Variants in TIAM1 observed in about 807,000 individuals in gnomAD.
TIAM1 encodes the protein TIAM Rac1 associated GEF 1.
Under a neutral mutation model 163.5 loss-of-function variants are expected in TIAM1, and 65 were observed. The observed-to-expected ratio is 0.40, with a 90% CI of 0.33 to 0.49. The LOEUF (loss-of-function observed/expected upper bound fraction) is 0.49. Among genes scored for constraint, TIAM1 ranks in the 20% least tolerant of loss-of-function variants. TIAM1 has a pLI of 0.77. For missense variants in TIAM1, 1,789 were observed against 2,044.7 expected, an observed-to-expected ratio of 0.87 and a Z score of 2.41; for synonymous variants, 833 against 810.1, an observed-to-expected ratio of 1.03 and a Z score of -0.48.
rs6517045 is a variant in TIAM1, at chr21:31,540,476, C to A, written c.-422+18451G>T. Reference sequence around the variant, plus strand: ...TCAAGTGGCCGGAAGAGGTGGCTCACGCCTATAATCCCGGCACTTTGGGAA... The same window carrying A: ...TCAAGTGGCCGGAAGAGGTGGCTCAAGCCTATAATCCCGGCACTTTGGGAA... On this transcript the variant is annotated intron_variant, in intron 1 of 28. Coordinates refer to the TIAM1 transcript ENST00000286827. 7.9e-5 allele frequency among the ~76,000 whole-genome samples: 12 copies of A among 152,106 alleles called. No individual in the cohort carries two copies. The South Asian group carries it at 2.3e-3, about 29-fold the overall frequency.
chr21:31,471,817 T>C (rs2045749927), intron 1 of TIAM1, among the ~76,000 whole-genome samples: 1 of 151,714 alleles, frequency 6.6e-6, no homozygotes, highest in South Asian at 2.1e-4. Flanking sequence ...TGCAGTAAGC[T>C]GAGATTGCGC....
intron 2 of TIAM1, among the ~76,000 whole-genome samples, chr21:31,414,287 C>T (rs185134265): frequency 5.2e-4 from 79 of 152,216 alleles, no homozygotes; most frequent in African/African-American, 1.8e-3. Flanking sequence ...GTCAAGTGTC[C>T]GTAAGAAAAG....
intron 2 of TIAM1, among the ~76,000 whole-genome samples, chr21:31,295,489 A>AAAAAAG (rs2074221736): frequency 1.5e-4 from 23 of 148,592 alleles, no homozygotes; most frequent in African/African-American, 5.2e-4. Flanking sequence ...AAAAAAAAAA[A>AAAAAAG]GGTCTTAAAG....
rs1458344023 is a variant in TIAM1 at position 31,141,309 on chromosome 21, C to T, written c.3655+16G>A. ...TGGAGACTCAGGCCTGCCGGGGGTC[C>T]CAGGCCGAGGCCTACCGTCCAGGTG... On this transcript the variant is annotated intron_variant, in intron 21 of 27. Transcript: ENST00000541036. The surrounding 1 kb of genome is among the most constrained non-coding windows in gnomAD (Gnocchi z 4.7). 3 of 1,613,598 alleles carry T rather than the reference C, an allele frequency of 1.9e-6. No individual in the cohort carries two copies. The highest frequency in any genetic ancestry group is 2.5e-6 in the Non-Finnish European group (3 of 1,179,730).
intron 10 of TIAM1, 40 bp from the exon 11 acceptor site, chr21:31,210,255 A>C: frequency 6.3e-7 from 1 of 1,599,928 alleles, no homozygotes; most frequent in Non-Finnish European, 8.5e-7. Context: ...GCAGCAGTGG[A>C]GCTCTGACAA....
At chr21:31,253,577 T>C (rs2071936285) in intron 4 of TIAM1, among the ~76,000 whole-genome samples, 2 of 152,154 alleles carry the variant, frequency 1.3e-5, no homozygotes, top group South Asian at 2.1e-4. Flanking sequence ...AAAAGAGATG[T>C]ATAGCAAGAC....
intron 19 of TIAM1, among the ~76,000 whole-genome samples, chr21:31,151,674 G>A (rs141457710): frequency 1.2e-3 from 179 of 152,238 alleles, no homozygotes; most frequent in Non-Finnish European, 2.2e-3. Context: ...GGGTGTGTGT[G>A]TGTGAATTCA....
intron 2 of TIAM1, chr21:31,452,478 A>G: frequency 1.9e-6 from 1 of 537,196 alleles, no homozygotes; most frequent in Non-Finnish European, 3.4e-6. Context: ...GGCTATGACT[A>G]GTGTCAAATT....
At chr21:31,186,718 C>G (rs1416867278) in intron 14 of TIAM1, among the ~76,000 whole-genome samples, 1 of 151,978 alleles carries the variant, frequency 6.6e-6, no homozygotes, top group Admixed American at 6.6e-5. Context: ...GATTTCGATG[C>G]TACAGTGACC....
At chr21:31,254,464 C>A (rs563135129) in intron 4 of TIAM1, among the ~76,000 whole-genome samples, 1 of 152,264 alleles carries the variant, frequency 6.6e-6, no homozygotes, top group Admixed American at 6.5e-5. Context: ...GAGGCTGAAG[C>A]GGGTGGATCA....
chr21:31,480,646 C>A (rs2046080728), intron 1 of TIAM1, among the ~76,000 whole-genome samples: 1 of 152,214 alleles, frequency 6.6e-6, no homozygotes, highest in East Asian at 1.9e-4. Flanking sequence ...CCTTCTATCA[C>A]CTTTGGAAGG....
intron 25 of TIAM1, among the ~76,000 whole-genome samples, chr21:31,128,970 G>GGA (rs10632797): frequency 0.65 from 98,368 of 151,898 alleles, 32,954 homozygotes; most frequent in African/African-American, 0.82. Flanking sequence ...GTGGAAACAA[G>GGA]GAGGCTAAAA....
intron 2 of TIAM1, among the ~76,000 whole-genome samples, chr21:31,367,768 G>A (rs548570664): frequency 8.5e-5 from 13 of 152,114 alleles, no homozygotes; most frequent in East Asian, 5.8e-4. Context: ...ATTCCTATTC[G>A]TTACCTATTT....
At chr21:31,329,170 G>A (rs191018425) in intron 2 of TIAM1, among the ~76,000 whole-genome samples, 1 of 152,176 alleles carries the variant, frequency 6.6e-6, no homozygotes, top group African/African-American at 2.4e-5. Flanking sequence ...CCACAAATAC[G>A]CAGGGACAAC....
chr21:31,203,816 G>A (rs984555276), intron 11 of TIAM1, among the ~76,000 whole-genome samples: 5 of 152,336 alleles, frequency 3.3e-5, no homozygotes, highest in Non-Finnish European at 7.3e-5. Flanking sequence ...ATTTGCAAGC[G>A]AGTCAGTGTG....
chr21:31,313,744 T>C (rs892748871), intron 2 of TIAM1, among the ~76,000 whole-genome samples: 23 of 152,274 alleles, frequency 1.5e-4, no homozygotes, highest in African/African-American at 5.5e-4. Context: ...CCCAGCTAAT[T>C]TTTTGTACTT....
intron 1 of TIAM1, among the ~76,000 whole-genome samples, chr21:31,549,765 A>G (rs2048619847): frequency 6.6e-6 from 1 of 152,256 alleles, no homozygotes; most frequent in South Asian, 2.1e-4. Context: ...TAGTTCCTCA[A>G]TACGTTAAAC....
chr21:31,382,380 GATTA>G (rs1244414606), intron 2 of TIAM1, among the ~76,000 whole-genome samples: 2 of 152,186 alleles, frequency 1.3e-5, no homozygotes, highest in African/African-American at 2.4e-5. Flanking sequence ...AAAGCAGACA[GATTA>G]ATTGTGTATT....
intron 11 of TIAM1, among the ~76,000 whole-genome samples, chr21:31,209,781 T>G (rs1036031100): frequency 1.3e-5 from 2 of 152,254 alleles, no homozygotes; most frequent in Non-Finnish European, 2.9e-5. Flanking sequence ...GCAATGAGCA[T>G]GTGATACATG....
Sources: gnomAD v4.1 joint callset for allele counts (sites outside exome capture counted in the v4.1 genomes callset) on GRCh38, gnomAD v4.1.1 for gene constraint, Gnocchi (gnomAD v3.1) non-coding constraint, MANE v1.5 for transcripts, NCBI Gene and HGNC (gene_info 2026-07-23, HGNC 2026-07-21) for gene names.